The following SNX8 variants were observed in gnomAD, a reference collection of about 807,000 sequenced individuals.
SNX8 encodes sorting nexin-8.
SNX8 carries 25 observed loss-of-function variants against 51.6 expected under a neutral mutation model. The ratio of observed to expected loss-of-function variants is 0.48; its 90% CI spans 0.35 to 0.68. The LOEUF (loss-of-function observed/expected upper bound fraction) is 0.68. Among genes scored for constraint, SNX8 ranks in the 30% least tolerant of loss-of-function variants. The pLI, the probability that SNX8 is intolerant of heterozygous loss-of-function variation, is 0.00. For synonymous variants in SNX8, 324 were observed against 277.0 expected, an observed-to-expected ratio of 1.17 and a Z score of -1.68; for missense variants, 695 against 624.0, an observed-to-expected ratio of 1.11 and a Z score of -1.21.
chr7:2,294,364 G>A (rs1796223978), intron 1 of SNX8, among the ~76,000 whole-genome samples: 1 of 152,194 alleles, frequency 6.6e-6, no homozygotes, highest in Non-Finnish European at 1.5e-5. Context: ...ACAAAGACAG[G>A]CAGTCACCAG....
chr7:2,263,978 T>C lies in SNX8; in HGVS notation c.782+320A>G, dbSNP rs372471740. Among the ~76,000 whole-genome samples, 8 of 152,152 alleles carry C rather than the reference T, an allele frequency of 5.3e-5. No individual in the cohort carries two copies. The East Asian group carries it at 9.7e-4, about 18-fold the overall frequency. Reference sequence around the variant, plus strand: ...ATCCACCCACCTCGGCCTCCCAAAGTGCTGGGATTACAGGTGTGAGCCACC... The same window carrying C: ...ATCCACCCACCTCGGCCTCCCAAAGCGCTGGGATTACAGGTGTGAGCCACC... On this transcript the variant is annotated intron_variant, in intron 6 of 10. Transcript: ENST00000222990.
At chr7:2,335,903 G>A (rs1778819579) in intron 1 of SNX8, among the ~76,000 whole-genome samples, 1 of 150,582 alleles carries the variant, frequency 6.6e-6, no homozygotes, top group African/African-American at 2.4e-5. Flanking sequence ...TCAGAATAAT[G>A]CCAGCCTGGC....
At chr7:2,311,446 C>T (rs1216850091) in intron 1 of SNX8, among the ~76,000 whole-genome samples, 1 of 152,130 alleles carries the variant, frequency 6.6e-6, no homozygotes, top group Non-Finnish European at 1.5e-5. Flanking sequence ...TGGTCTCTAG[C>T]GCCTGGGCTC....
At chr7:2,269,512 A>C in intron 5 of SNX8, 47 bp downstream of exon 5, 1 of 1,193,362 alleles carries the variant, frequency 8.4e-7, no homozygotes, top group Non-Finnish European at 1.1e-6. Flanking sequence ...ATGATCAATA[A>C]AAAAATAAAT....
intron 1 of SNX8, among the ~76,000 whole-genome samples, chr7:2,348,621 G>A (rs1227416344): frequency 4.6e-5 from 7 of 151,554 alleles, no homozygotes; most frequent in East Asian, 2.0e-4. Flanking sequence ...GATTACAGGC[G>A]TGAGCCACCG....
rs116519354 is a variant in SNX8 at position 2,279,951 on chromosome 7, C to T, written c.95-1646G>A. Among the ~76,000 whole-genome samples, 663 of 152,136 alleles carry T rather than the reference C, an allele frequency of 4.4e-3. 6 individuals carry two copies. The highest frequency in any genetic ancestry group is 0.016 in the African/African-American group (647 of 41,518). The stretch of plus-strand genomic sequence containing the variant: ...CTAGAGCCAAGAGAACAGGCTCAAA[C>T]CAAATAAACTAGCCATACGATCTTC... On this transcript the variant is annotated intron_variant, in intron 1 of 10. Coordinates refer to ENST00000222990, the MANE Select transcript of SNX8 (RefSeq NM_013321.4).
At chr7:2,330,911 G>T (rs770019194) in intron 1 of SNX8, among the ~76,000 whole-genome samples, 1 of 152,076 alleles carries the variant, frequency 6.6e-6, no homozygotes, top group Non-Finnish European at 1.5e-5. Context: ...GACACCGGGC[G>T]CGGTGGCTCA....
Position 2,271,893 on chromosome 7 carries a change from G to A in SNX8, c.497C>T (p.Ser166Phe). The change falls in exon 4 of 11, where the codon TCC (serine) becomes TTC (phenylalanine). Residue 166 changes from serine to phenylalanine, a missense_variant. By Grantham distance (155) the Ser-to-Phe change is radical. Transcript: ENST00000222990. The part of the protein sequence containing the change: ...VNLVARHPLF[S>F]EDVVLKLFLS... ...GAAGAGCTTGAGGACCACATCCTCG[G>A]AGAACAGGGGGTGTCGCGCCACCAG... is the stretch of plus-strand genomic sequence containing the variant. 6.2e-7 allele frequency: 1 copy of A among 1,613,768 alleles called. No individual in the cohort carries two copies. Among genetic ancestry groups the A allele is most frequent in the Non-Finnish European group, 8.5e-7 (1 of 1,179,898 alleles).
intron 3 of SNX8, 33 bp from the exon 4 acceptor site, chr7:2,272,004 C>G (rs776042091): frequency 1.2e-6 from 2 of 1,610,570 alleles, no homozygotes; most frequent in Middle Eastern, 1.7e-4. Context: ...TGGACAGAGT[C>G]CAGGGCGCCG....
At chr7:2,273,353 G>GGT (rs1201210475) in intron 3 of SNX8, among the ~76,000 whole-genome samples, 31 of 151,536 alleles carry the variant, frequency 2.0e-4, no homozygotes, top group East Asian at 1.2e-3. Flanking sequence ...GGGAGGCTGA[G>GGT]GCAGGTGGAT....
upstream of SNX8, among the ~76,000 whole-genome samples, chr7:2,316,336 C>T (rs1796756612): frequency 6.6e-6 from 1 of 151,624 alleles, no homozygotes; most frequent in African/African-American, 2.4e-5. Flanking sequence ...CACCCACTCA[C>T]TGCATCCTGC....
intron 1 of SNX8, among the ~76,000 whole-genome samples, chr7:2,296,705 TG>T (rs1297791723): frequency 6.6e-6 from 1 of 150,884 alleles, no homozygotes; most frequent in Non-Finnish European, 1.5e-5. Flanking sequence ...CCGAGGCGGG[TG>T]GATCACCTGA....
chr7:2,255,099 G>A lies in SNX8; in HGVS notation c.1355C>T (p.Thr452Ile), dbSNP rs747094649. ...CLFAGPHSTLTPPCSPPEDGL... is the reference protein window; with the variant it reads ...CLFAGPHSTLIPPCSPPEDGL... Reference sequence around the variant, plus strand: ...GTCCTCCGGCGGGGAGCACGGTGGGGTCAGGGTGCTGTGTGGTCCCGCAAA... The same window carrying A: ...GTCCTCCGGCGGGGAGCACGGTGGGATCAGGGTGCTGTGTGGTCCCGCAAA... The change falls in exon 11 of 11, where the codon ACC becomes ATC. Residue 452 changes from threonine to isoleucine, a missense_variant. Transcript: ENST00000222990. 7.0e-6 allele frequency: 11 copies of A among 1,580,848 alleles called. No individual in the cohort carries two copies. In the African/African-American group the frequency reaches 1.3e-4, roughly 19 times the overall value.
rs911924987 is a variant in SNX8, at chr7:2,255,135, A to T, written c.1319T>A (p.Leu440His). The T allele has an allele frequency of 1.1e-4, 179 of 1,576,744 alleles. No homozygotes were observed. Among genetic ancestry groups the T allele is most frequent in the Non-Finnish European group, 1.5e-4 (173 of 1,161,206 alleles). ...SKVWNDLRPK[L>H]SCLFAGPHST... ...GTGTGGTCCCGCAAAGAGGCAGCTG[A>T]GCTTGGGCCTCAGGTCGTTCCACAC... The change falls in exon 11 of 11, where the codon CTC becomes CAC. Residue 440 changes from leucine (L) to histidine (H), a missense_variant. By Grantham distance (99) the Leu-to-His change is moderately conservative (BLOSUM62 -3). Transcript: ENST00000222990.
chr7:2,274,809 C>T (rs1350821518), intron 3 of SNX8, among the ~76,000 whole-genome samples: 1 of 152,142 alleles, frequency 6.6e-6, no homozygotes, highest in Non-Finnish European at 1.5e-5. Flanking sequence ...GAGCCCTGGC[C>T]ACTGCACTCT....
intron 10 of SNX8, among the ~76,000 whole-genome samples, chr7:2,255,445 G>A (rs771025376): frequency 1.4e-4 from 22 of 152,250 alleles, no homozygotes; most frequent in Non-Finnish European, 2.8e-4. Flanking sequence ...CCGTGGAATC[G>A]TGAGAAACGT....
intron 1 of SNX8, among the ~76,000 whole-genome samples, chr7:2,280,603 T>G (rs891144035): frequency 6.6e-6 from 1 of 152,200 alleles, no homozygotes; most frequent in Non-Finnish European, 1.5e-5. Context: ...GATTACCAAG[T>G]GGTCACATGT....
In SNX8 at chr7:2,313,845, G is replaced by A. The variant is rs533043134; in HGVS notation, c.94+483C>T. 3.9e-5 allele frequency among the ~76,000 whole-genome samples: 6 copies of A among 152,340 alleles called. No individual in the cohort carries two copies. In the South Asian group the frequency reaches 6.2e-4, roughly 16 times the overall value. The stretch of plus-strand genomic sequence containing the variant: ...TCACAGATGAGAAAACAGAGGTCCC[G>A]AGAGGTGAAATTACTGGCCCAAGAC... On this transcript the variant is annotated intron_variant, in intron 1 of 10. Coordinates refer to ENST00000222990, the MANE Select transcript of SNX8 (RefSeq NM_013321.4).
chr7:2,353,711 A>C (rs532639357), intron 1 of SNX8, among the ~76,000 whole-genome samples: 1 of 151,378 alleles, frequency 6.6e-6, no homozygotes, highest in South Asian at 2.1e-4. Context: ...CCCGATAAAC[A>C]CTCCCCACTC....
Sources: gnomAD v4.1 joint callset for allele counts (sites outside exome capture counted in the v4.1 genomes callset) on GRCh38, gnomAD v4.1.1 for gene constraint, MANE v1.5 for transcripts, NCBI Gene and HGNC (gene_info 2026-07-23, HGNC 2026-07-21) for gene names.